The following CSMD1 variants were observed in gnomAD, a reference collection of about 807,000 sequenced individuals.
CSMD1 encodes the protein CUB and sushi domain-containing protein 1.
CSMD1 carries 213 observed loss-of-function variants against 417.5 expected under a neutral mutation model. That is an observed-to-expected ratio of 0.51 (90% confidence interval 0.46 to 0.57). The LOEUF is 0.57. Ranked by LOEUF, CSMD1 falls within the 20% of genes least tolerant of loss-of-function variation. The pLI, the probability that CSMD1 is intolerant of heterozygous loss-of-function variation, is 0.00. For missense variants in CSMD1, 6,923 were observed against 4,529.7 expected, an observed-to-expected ratio of 1.53 and a Z score of -15.17; for synonymous variants, 2,862 against 1,736.8, an observed-to-expected ratio of 1.65 and a Z score of -16.11.
At chr8:4,719,058 AAGAG>A (rs1283763039) in intron 1 of CSMD1, among the ~76,000 whole-genome samples, 7 of 152,192 alleles carry the variant, frequency 4.6e-5, no homozygotes, top group Non-Finnish European at 5.9e-5. Context: ...GAAGAAAAAA[AAGAG>A]AGAGAGCTAG....
intron 3 of CSMD1, among the ~76,000 whole-genome samples, chr8:4,070,061 C>T (rs538514520): frequency 1.3e-5 from 2 of 152,036 alleles, no homozygotes; most frequent in South Asian, 4.1e-4. Context: ...ATACTTTTCG[C>T]AGTGTTTTAG....
intron 3 of CSMD1, among the ~76,000 whole-genome samples, chr8:4,048,745 A>G (rs148026076): frequency 1.8e-4 from 28 of 152,336 alleles, no homozygotes; most frequent in African/African-American, 6.3e-4. Flanking sequence ...CTATAGAACT[A>G]TATAAAATGC....
chr8:4,049,233 C>G (rs771979462), intron 3 of CSMD1, among the ~76,000 whole-genome samples: 1 of 152,004 alleles, frequency 6.6e-6, no homozygotes, highest in African/African-American at 2.4e-5. Context: ...GTAGACTTCT[C>G]AACCTTGACA....
intron 5 of CSMD1, among the ~76,000 whole-genome samples, chr8:3,906,377 A>C (rs773158313): frequency 2.2e-4 from 33 of 152,196 alleles, no homozygotes; most frequent in Non-Finnish European, 4.7e-4. Flanking sequence ...TATGGTCTAG[A>C]AATATCCTGT....
intron 15 of CSMD1, among the ~76,000 whole-genome samples, chr8:3,403,720 G>C (rs894566420): frequency 2.0e-5 from 3 of 152,176 alleles, no homozygotes; most frequent in Admixed American, 2.0e-4. Flanking sequence ...ATGCTTCCAA[G>C]TCAGTGAAAT....
intron 5 of CSMD1, among the ~76,000 whole-genome samples, chr8:3,857,786 A>G (rs961569065): frequency 3.3e-5 from 5 of 152,204 alleles, no homozygotes; most frequent in Non-Finnish European, 7.3e-5. Flanking sequence ...GCAATGGGGG[A>G]AAAGGATACA....
At position 3,097,089 on chromosome 8, in the gene CSMD1, G is replaced by A. The variant is rs1815360736; in HGVS notation, c.6950-52C>T. 4 of 1,353,800 alleles carry A rather than the reference G, an allele frequency of 3.0e-6. No individual in the cohort carries two copies. The African/African-American group carries it at 5.9e-5, about 20-fold the overall frequency. The allele number at this position is 1,353,800 out of a possible 1,614,324, so 83.9% of individuals were successfully genotyped here. A position where few individuals can be genotyped will look rare whatever the true frequency, so the allele number is the denominator to read the frequency against. ...TTGCTTTAATAAAATGATTCCAACTGCAATAGGATAGTTTCTATCCCTGTA... is the reference window on the plus strand; with the variant it reads ...TTGCTTTAATAAAATGATTCCAACTACAATAGGATAGTTTCTATCCCTGTA... On this transcript the variant is annotated intron_variant, in intron 46 of 69. Coordinates refer to ENST00000635120, the MANE Select transcript of CSMD1 (RefSeq NM_033225.6).
chr8:4,439,095 TG>T (rs1798315341), intron 2 of CSMD1, among the ~76,000 whole-genome samples: 1 of 152,198 alleles, frequency 6.6e-6, no homozygotes. Context: ...CTGTATTATA[TG>T]GTTCACACTA....
intron 47 of CSMD1, among the ~76,000 whole-genome samples, chr8:3,091,929 C>A (rs1035439681): frequency 1.3e-5 from 2 of 151,754 alleles, no homozygotes; most frequent in African/African-American, 4.8e-5. Context: ...ACAGCAGTAC[C>A]CGAAAAAAAT....
chr8:4,518,678 AAC>A (rs1491238041), intron 2 of CSMD1, among the ~76,000 whole-genome samples: 26 of 148,708 alleles, frequency 1.7e-4, no homozygotes, highest in Non-Finnish European at 2.7e-4. Context: ...ATGACGAGTT[AAC>A]GGTGCAGCAC....
chr8:3,032,024 A>G (rs1053235647), intron 50 of CSMD1, among the ~76,000 whole-genome samples: 1 of 151,302 alleles, frequency 6.6e-6, no homozygotes, highest in African/African-American at 2.4e-5. Flanking sequence ...TATGCTTTGA[A>G]AAATAGCCTG....
At chr8:4,318,819 G>A (rs181876297) in intron 3 of CSMD1, among the ~76,000 whole-genome samples, 5 of 151,882 alleles carry the variant, frequency 3.3e-5, no homozygotes, top group Admixed American at 3.3e-4. Context: ...CTATTTGAAA[G>A]CTAACATCCT....
intron 1 of CSMD1, among the ~76,000 whole-genome samples, chr8:4,918,329 C>T (rs1806209166): frequency 6.6e-6 from 1 of 152,152 alleles, no homozygotes; most frequent in East Asian, 1.9e-4. Flanking sequence ...GTATTGCCTT[C>T]TCTCTCTTTT....
At chr8:4,376,090 C>T (rs1802715174) in intron 3 of CSMD1, among the ~76,000 whole-genome samples, 1 of 152,196 alleles carries the variant, frequency 6.6e-6, no homozygotes, top group South Asian at 2.1e-4. Context: ...TTTAATATAT[C>T]ATAACTAAGT....
intron 5 of CSMD1, among the ~76,000 whole-genome samples, chr8:3,870,906 C>G (rs975466952): frequency 3.3e-4 from 50 of 152,040 alleles, no homozygotes; most frequent in African/African-American, 1.2e-3. Flanking sequence ...AGCTTTTCTT[C>G]TTTTATTGCA....
chr8:4,112,898 T>C (rs1035459827), intron 3 of CSMD1, among the ~76,000 whole-genome samples: 1 of 152,204 alleles, frequency 6.6e-6, no homozygotes, highest in Non-Finnish European at 1.5e-5. Context: ...ATCAAGCAAG[T>C]CTATTGGAGC....
chr8:4,224,516 C>G (rs1193144911), intron 3 of CSMD1, among the ~76,000 whole-genome samples: 1 of 152,148 alleles, frequency 6.6e-6, no homozygotes, highest in African/African-American at 2.4e-5. Context: ...TAAATGCCCT[C>G]TTCGCCTAAG....
chr8:4,542,317 G>A (rs748187383), intron 2 of CSMD1, among the ~76,000 whole-genome samples: 41 of 151,920 alleles, frequency 2.7e-4, no homozygotes, highest in South Asian at 2.3e-3. Context: ...ATAAATTGTC[G>A]TTCTCCATAA....
chr8:3,020,292 A>C (rs1324792287), intron 51 of CSMD1, among the ~76,000 whole-genome samples: 1 of 152,242 alleles, frequency 6.6e-6, no homozygotes, highest in Non-Finnish European at 1.5e-5. Flanking sequence ...AGTCAATTGA[A>C]CCAAAAGTAG....
Sources: gnomAD v4.1 joint callset for allele counts (sites outside exome capture counted in the v4.1 genomes callset) on GRCh38, gnomAD v4.1.1 for gene constraint, MANE v1.5 for transcripts, NCBI Gene and HGNC (gene_info 2026-07-23, HGNC 2026-07-21) for gene names.